DLGAP1: variants seen among roughly 807,000 people sequenced by gnomAD.
The protein encoded by DLGAP1 is DLG associated protein 1.
Under a neutral mutation model 90.8 loss-of-function variants are expected in DLGAP1, and 11 were observed. The observed-to-expected ratio is 0.12, with a 90% CI of 0.08 to 0.20. The LOEUF (loss-of-function observed/expected upper bound fraction) is 0.20, where lower values mean the gene tolerates loss of function less well. Ranked by LOEUF, DLGAP1 falls within the 10% of genes least tolerant of loss-of-function variation. DLGAP1 has a pLI of 1.00. For missense variants in DLGAP1, 1,050 were observed against 1,333.8 expected, an observed-to-expected ratio of 0.79 and a Z score of 3.31; for synonymous variants, 558 against 540.7, an observed-to-expected ratio of 1.03 and a Z score of -0.44.
intron 4 of DLGAP1, among the ~76,000 whole-genome samples, chr18:3,875,354 A>T (rs2070971272): frequency 6.6e-6 from 1 of 152,234 alleles, no homozygotes; most frequent in African/African-American, 2.4e-5. Context: ...TGATTTAAGC[A>T]TTTGTGCCTG....
chr18:3,522,794 C>T lies in DLGAP1; in HGVS notation c.2479+11400G>A, dbSNP rs543433358. Among the ~76,000 whole-genome samples the T allele has an allele frequency of 9.2e-5, 14 of 152,144 alleles. No homozygotes were observed. The East Asian group carries it at 2.3e-3, about 25-fold the overall frequency. On this transcript the variant is annotated intron_variant, in intron 10 of 12. Transcript: ENST00000315677. Reference sequence around the variant, plus strand: ...ATGACCTCAGATGATCTGCCCACCTCGGCCTTCCAAAGAGCTGGGATTATA... The same window carrying T: ...ATGACCTCAGATGATCTGCCCACCTTGGCCTTCCAAAGAGCTGGGATTATA...
intron 1 of DLGAP1, among the ~76,000 whole-genome samples, chr18:4,291,928 A>C (rs2079858969): frequency 6.6e-6 from 1 of 152,194 alleles, no homozygotes; most frequent in Non-Finnish European, 1.5e-5. Flanking sequence ...AAATCTGCCT[A>C]TAGACTAGAA....
chr18:4,338,047 T>C (rs998116515), intron 1 of DLGAP1, among the ~76,000 whole-genome samples: 1 of 152,328 alleles, frequency 6.6e-6, no homozygotes, highest in Non-Finnish European at 1.5e-5. Context: ...AAGATAATAA[T>C]GGATGTTGAG....
chr18:3,736,417 T>G (rs1200611116), intron 6 of DLGAP1, among the ~76,000 whole-genome samples: 2 of 152,300 alleles, frequency 1.3e-5, no homozygotes, highest in East Asian at 3.9e-4. Context: ...CTGTGAGTAA[T>G]AAATGACAGA....
chr18:3,732,707 G>C (rs1207080053), intron 6 of DLGAP1, among the ~76,000 whole-genome samples: 1 of 152,104 alleles, frequency 6.6e-6, no homozygotes, highest in African/African-American at 2.4e-5. Context: ...TGACATGAAA[G>C]TAGTAATCTT....
chr18:3,902,023 C>G (rs1474662787), intron 3 of DLGAP1, among the ~76,000 whole-genome samples: 1 of 152,198 alleles, frequency 6.6e-6, no homozygotes, highest in African/African-American at 2.4e-5. Context: ...TGTCTGCCTT[C>G]CCACTTCCCA....
chr18:3,669,129 C>T lies in DLGAP1; in HGVS notation c.1591+60006G>A, dbSNP rs923490054. 1.5e-4 allele frequency among the ~76,000 whole-genome samples: 23 copies of T among 151,610 alleles called. 3 individuals carry two copies. Among genetic ancestry groups the T allele is most frequent in the African/African-American group, 5.1e-4 (21 of 41,402 alleles). ...AATGAAAATAAATGTTGTACAATTT[C>T]AGTCTTTAAGAAAGACAACGCAGAC... On this transcript the variant is annotated intron_variant, in intron 7 of 12. Transcript: ENST00000315677.
At chr18:3,639,905 C>A (rs7228444) in intron 7 of DLGAP1, among the ~76,000 whole-genome samples, 4 of 143,852 alleles carry the variant, frequency 2.8e-5, no homozygotes, top group Non-Finnish European at 6.1e-5. Context: ...CAGGCGCCCG[C>A]CACCACACCC....
chr18:3,774,437 T>G (rs1390445037), intron 5 of DLGAP1: 1 of 152,388 alleles, frequency 6.6e-6, no homozygotes, highest in African/African-American at 2.4e-5. Flanking sequence ...TTAGCCCATT[T>G]AGGAGAGACT....
chr18:3,956,644 G>T (rs1251653968), intron 3 of DLGAP1, among the ~76,000 whole-genome samples: 1 of 150,626 alleles, frequency 6.6e-6, no homozygotes, highest in African/African-American at 2.4e-5. Context: ...CACCACGCCC[G>T]GCCTATTTTT....
chr18:3,991,225 C>G (rs2149051599), intron 3 of DLGAP1, among the ~76,000 whole-genome samples: 1 of 152,060 alleles, frequency 6.6e-6, no homozygotes, highest in East Asian at 1.9e-4. Flanking sequence ...AAAGCACAAG[C>G]CCATTCTGAG....
intron 1 of DLGAP1, among the ~76,000 whole-genome samples, chr18:4,434,179 AT>A (rs35699657): frequency 0.78 from 117,935 of 151,652 alleles, 47,387 homozygotes; most frequent in East Asian, 0.96. Context: ...ATACAACAGC[AT>A]TTTTTTTTAC....
intron 7 of DLGAP1, among the ~76,000 whole-genome samples, chr18:3,616,940 C>T (rs190316544): frequency 1.3e-5 from 2 of 152,226 alleles, no homozygotes; most frequent in African/African-American, 4.8e-5. Context: ...ATAAGTAGCC[C>T]AGCTGTCCTG....
chr18:4,189,768 C>T (rs2077361943), intron 1 of DLGAP1, among the ~76,000 whole-genome samples: 1 of 152,192 alleles, frequency 6.6e-6, no homozygotes, highest in South Asian at 2.1e-4. Flanking sequence ...ATACACAATA[C>T]ATCAATAGAA....
intron 1 of DLGAP1, among the ~76,000 whole-genome samples, chr18:4,226,421 A>G (rs1283428254): frequency 2.0e-5 from 3 of 152,112 alleles, no homozygotes; most frequent in African/African-American, 7.2e-5. Context: ...TGTGGTGGGT[A>G]AACTTTTCAT....
At chr18:3,559,624 C>CTT (rs34093132) in intron 9 of DLGAP1, among the ~76,000 whole-genome samples, 76 of 129,870 alleles carry the variant, frequency 5.9e-4, no homozygotes, top group Middle Eastern at 3.9e-3. Flanking sequence ...ATCCAATCCA[C>CTT]TTTTTTTTTT....
At chr18:4,405,245 C>G (rs1192184281) in intron 1 of DLGAP1, among the ~76,000 whole-genome samples, 1 of 152,158 alleles carries the variant, frequency 6.6e-6, no homozygotes, top group Non-Finnish European at 1.5e-5. Flanking sequence ...AGGTATCCCT[C>G]AGGGCAATCC....
intron 2 of DLGAP1, among the ~76,000 whole-genome samples, chr18:4,150,434 T>TG (rs1303807492): frequency 6.6e-6 from 1 of 152,098 alleles, no homozygotes; most frequent in African/African-American, 2.4e-5. Context: ...TCTGTCACCC[T>TG]GGCTGGAGTG....
At chr18:3,944,515 G>T (rs1006797624) in intron 3 of DLGAP1, among the ~76,000 whole-genome samples, 1 of 151,960 alleles carries the variant, frequency 6.6e-6, no homozygotes, top group African/African-American at 2.4e-5. Flanking sequence ...AAAAAAAAGT[G>T]CAAGGTGACT....
Sources: allele counts gnomAD v4.1 joint callset (sites outside exome capture counted in the v4.1 genomes callset), GRCh38; gene constraint gnomAD v4.1.1; transcripts MANE v1.5; gene names NCBI Gene and HGNC (gene_info 2026-07-23, HGNC 2026-07-21).